The following SLC6A16 variants were observed in gnomAD, a reference collection of about 807,000 sequenced individuals.
The protein encoded by SLC6A16 is solute carrier family 6 member 16.
A neutral mutation model predicts 65.4 loss-of-function variants in SLC6A16; 54 were observed. That is an observed-to-expected ratio of 0.83 (90% CI 0.66 to 1.04). The LOEUF is 1.04. Ranked by LOEUF, SLC6A16 falls within the 50% of genes least tolerant of loss-of-function variation. SLC6A16 has a pLI of 0.00. For synonymous variants in SLC6A16, 330 were observed against 346.5 expected, an observed-to-expected ratio of 0.95 and a Z score of 0.53; for missense variants, 816 against 914.0, an observed-to-expected ratio of 0.89 and a Z score of 1.38.
At chr19:49,331,605 G>C in the SLC6A16 span, 1 of 366,000 alleles carries the variant, frequency 2.7e-6, no homozygotes, top group Non-Finnish European at 5.5e-6. Flanking sequence ...AATACAACAG[G>C]TTGTTACTTA....
intron 7 of SLC6A16, among the ~76,000 whole-genome samples, chr19:49,308,313 C>T (rs1247256978): frequency 3.3e-5 from 5 of 152,070 alleles, no homozygotes; most frequent in Non-Finnish European, 7.4e-5. Context: ...ATTAGCCGGG[C>T]CTGGTGATGG....
Position 49,309,011 on chromosome 19 carries a change from G to C in SLC6A16, c.1094C>G (p.Pro365Arg). 6.2e-7 allele frequency: 1 copy of C among 1,614,192 alleles called. No homozygotes were observed. Among genetic ancestry groups the C allele is most frequent in the South Asian group, 1.1e-5 (1 of 91,082 alleles). The change falls in exon 7 of 12, where the codon CCC becomes CGC. Residue 365 changes from proline (P) to arginine (R), a missense_variant. Physicochemically the swap from Pro to Arg is moderately radical, Grantham distance 103. Coordinates refer to ENST00000335875, the MANE Select transcript of SLC6A16 (RefSeq NM_014037.3). ...ATCACTGAGACAGTTGTTGGACTGG[G>C]GCATGTAGGAGGCTAAGGAGGCAAC... ...GSVASLASYM[P>R]QSNNCLSDAF...
chr19:49,333,720 G>A, the SLC6A16 span, among the ~76,000 whole-genome samples: 1 of 152,314 alleles, frequency 6.6e-6, no homozygotes, highest in Admixed American at 6.5e-5. Context: ...CAGCAGGCAG[G>A]AGGGATCTGG....
the SLC6A16 span, among the ~76,000 whole-genome samples, chr19:49,330,227 T>G: frequency 3.9e-5 from 6 of 152,164 alleles, no homozygotes; most frequent in Admixed American, 6.6e-5. Flanking sequence ...ATCAATAGTT[T>G]CGTTTTGGGC....
rs1361305398 is a variant in SLC6A16 at position 49,309,280 on chromosome 19, G to T, written c.987+21C>A. 7 of 1,592,804 alleles carry T rather than the reference G, an allele frequency of 4.4e-6. No homozygotes were observed. The South Asian group carries it at 5.5e-5, about 13-fold the overall frequency. ...TGGTGCCCTACAAGGCCTGACGGGG[G>T]AGTGAGGAGATAGATTTCACCTTGG... On this transcript the variant is annotated intron_variant, in intron 6 of 11. Transcript: ENST00000335875.
chr19:49,311,145 T>C lies in SLC6A16; in HGVS notation c.203A>G (p.Gln68Arg). ...AGTTAACGCCTCCAATACAGAAATT[T>C]GCTTGGGCTGACTGGTCCTGGCCTG... ...EAQARTSQPK[Q>R]ISVLEALTAS... Residue 68 changes from glutamine (Q) to arginine (R), a missense_variant, in exon 2 of 12, where the codon CAA (glutamine) becomes CGA (arginine). Coordinates refer to ENST00000335875, the MANE Select transcript of SLC6A16 (RefSeq NM_014037.3). 6.2e-7 allele frequency: 1 copy of C among 1,614,198 alleles called. No homozygotes were observed. Among genetic ancestry groups the C allele is most frequent in the Non-Finnish European group, 8.5e-7 (1 of 1,180,040 alleles).
Position 49,290,781 on chromosome 19 carries a change from A to G in SLC6A16, c.1779-14T>C, listed in dbSNP as rs1280683179. The stretch of plus-strand genomic sequence containing the variant: ...TCTGCAAGGAACCTGGAGAAGGGCC[A>G]CCAGAGTGTGGGATGCCCAGTTAGG... On this transcript the variant is annotated splice_polypyrimidine_tract_variant and intron_variant, in intron 10 of 11. Transcript: ENST00000335875. 1 of 1,596,810 alleles carries G rather than the reference A, an allele frequency of 6.3e-7. No individual in the cohort carries two copies. Among genetic ancestry groups the G allele is most frequent in the Non-Finnish European group, 8.5e-7 (1 of 1,171,278 alleles).
rs757500646 is a variant in SLC6A16 at position 49,309,342 on chromosome 19, C to T, written c.946G>A (p.Glu316Lys). 6.2e-7 allele frequency: 1 copy of T among 1,614,094 alleles called. No homozygotes were observed. Among genetic ancestry groups the T allele is most frequent in the Non-Finnish European group, 8.5e-7 (1 of 1,179,992 alleles). The stretch of plus-strand genomic sequence containing the variant: ...TGTTGAAGGCCAAATTTTGCCCCTT[C>T]CAGGAGTAGAGTCCGGATGAAGAAA... ...VGFFIRTLLL[E>K]GAKFGLQQLV... The change falls in exon 6 of 12, where the codon GAA (glutamate) becomes AAA (lysine). Residue 316 changes from glutamate (E) to lysine (K), a missense_variant. By Grantham distance (56) the Glu-to-Lys change is moderately conservative (BLOSUM62 1). Coordinates refer to ENST00000335875, the MANE Select transcript of SLC6A16 (RefSeq NM_014037.3).
At chr19:49,338,480 C>T in the SLC6A16 span, among the ~76,000 whole-genome samples, 1 of 152,052 alleles carries the variant, frequency 6.6e-6, no homozygotes, top group Non-Finnish European at 1.5e-5. The surrounding 1 kb of genome is among the most constrained non-coding windows in gnomAD (Gnocchi z 5.0). Flanking sequence ...GCTCCTTCCC[C>T]AGCCCCAGGT....
chr19:49,292,480 C>A lies in SLC6A16; in HGVS notation c.1778+743G>T, dbSNP rs1437777375. Among the ~76,000 whole-genome samples, 1 of 152,176 alleles carries A rather than the reference C, an allele frequency of 6.6e-6. No individual in the cohort carries two copies. The highest frequency in any genetic ancestry group is 1.5e-5 in the Non-Finnish European group (1 of 68,030). On this transcript the variant is annotated intron_variant, in intron 10 of 11. Coordinates refer to ENST00000335875, the MANE Select transcript of SLC6A16 (RefSeq NM_014037.3). The surrounding 1 kb of genome is among the most constrained non-coding windows in gnomAD (Gnocchi z 4.3). ...CAGCCATAAATACCTTTTTAAAAAA[C>A]AAATCTAATAATGGCACTCCCACCT...
intron 7 of SLC6A16, among the ~76,000 whole-genome samples, chr19:49,301,315 C>A (rs981171295): frequency 4.0e-5 from 6 of 151,866 alleles, no homozygotes; most frequent in Non-Finnish European, 7.4e-5. Flanking sequence ...TGGGACACTG[C>A]CCAACCAGCT....
rs756447935 is a variant in SLC6A16 at position 49,320,428 on chromosome 19, C to CA, written c.-65+4619dup. 4.1e-4 allele frequency among the ~76,000 whole-genome samples: 58 copies of CA among 143,030 alleles called. 1 individual carries two copies. The highest frequency in any genetic ancestry group is 1.3e-3 in the African/African-American group (49 of 38,014). 93.8% of individuals were successfully genotyped at this position (143,030 alleles called of 152,430 possible). On this transcript the variant is annotated intron_variant, in intron 1 of 11. Coordinates refer to ENST00000335875, the MANE Select transcript of SLC6A16 (RefSeq NM_014037.3). The stretch of plus-strand genomic sequence containing the variant: ...CTCTAAAAACAAACAAACAAACAAA[C>CA]AAAAAAAAACCAGATCTTGAATCAA...
chr19:49,339,123 G>A, the SLC6A16 span, among the ~76,000 whole-genome samples: 1 of 152,118 alleles, frequency 6.6e-6, no homozygotes, highest in Admixed American at 6.5e-5. The surrounding 1 kb of genome is among the most constrained non-coding windows in gnomAD (Gnocchi z 4.5). Flanking sequence ...GAAAAGGCTG[G>A]GCTGGCTCTG....
chr19:49,299,839 A>C (rs1340786542), intron 7 of SLC6A16, among the ~76,000 whole-genome samples: 2 of 151,724 alleles, frequency 1.3e-5, no homozygotes, highest in African/African-American at 4.8e-5. Flanking sequence ...CCTGGCCAAC[A>C]TGGTGAAACC....
intron 7 of SLC6A16, among the ~76,000 whole-genome samples, chr19:49,308,164 T>C (rs1970431345): frequency 6.6e-6 from 1 of 151,728 alleles, no homozygotes; most frequent in Non-Finnish European, 1.5e-5. Flanking sequence ...CAGTTAAGAA[T>C]GGGGGCCTTA....
chr19:49,308,293 A>G (rs1231835318), intron 7 of SLC6A16, among the ~76,000 whole-genome samples: 2 of 152,088 alleles, frequency 1.3e-5, no homozygotes, highest in Admixed American at 1.3e-4. Flanking sequence ...TTTACTAAAA[A>G]TACAAAAAAA....
chr19:49,310,897 C>T (rs760151690), intron 2 of SLC6A16, 36 bp downstream of exon 2: 1 of 1,490,462 alleles, frequency 6.7e-7, no homozygotes, highest in Non-Finnish European at 9.3e-7. Context: ...CCTGATTGCC[C>T]CTTGTGGACC....
At chr19:49,335,781 T>C in the SLC6A16 span, 3 of 1,612,952 alleles carry the variant, frequency 1.9e-6, no homozygotes, top group Non-Finnish European at 2.5e-6. This position sits in a 1 kb window ranked among gnomAD's most constrained non-coding sequence, Gnocchi z 4.6. Context: ...TTCGTGTCCT[T>C]TGTGGGTGAG....
At chr19:49,296,149 G>A (rs942422161) in intron 7 of SLC6A16, among the ~76,000 whole-genome samples, 1 of 152,182 alleles carries the variant, frequency 6.6e-6, no homozygotes, top group Non-Finnish European at 1.5e-5. Flanking sequence ...ACCATGCCCA[G>A]CTAATTTTTG....
Sources: gnomAD v4.1 joint callset for allele counts (sites outside exome capture counted in the v4.1 genomes callset) on GRCh38, gnomAD v4.1.1 for gene constraint, Gnocchi (gnomAD v3.1) non-coding constraint, MANE v1.5 for transcripts, NCBI Gene and HGNC (gene_info 2026-07-23, HGNC 2026-07-21) for gene names.